Variants in TOPORS observed in about 807,000 individuals in gnomAD.
TOPORS encodes the protein TOP1 binding arginine/serine rich protein, E3 ubiquitin ligase, also known as E3 ubiquitin-protein ligase Topors.
TOPORS carries 25 observed loss-of-function variants against 81.4 expected under a neutral mutation model. The ratio of observed to expected loss-of-function variants is 0.31; its 90% CI spans 0.22 to 0.43. TOPORS has a LOEUF of 0.43. Ranked by LOEUF, TOPORS falls within the 20% of genes least tolerant of loss-of-function variation. The pLI, the probability that TOPORS is intolerant of heterozygous loss-of-function variation, is 1.00. For missense variants in TOPORS, 1,101 were observed against 1,267.0 expected (o/e 0.87, Z 1.99); for synonymous variants, 473 against 456.6 (o/e 1.04, Z -0.46).
intron 2 of TOPORS, among the ~76,000 whole-genome samples, chr9:32,549,212 C>A (rs943446327): frequency 3.9e-5 from 6 of 152,234 alleles, no homozygotes; most frequent in Non-Finnish European, 8.8e-5. Flanking sequence ...GAGACTGAGG[C>A]AGGGGAATGG....
At chr9:32,547,246 G>GGTC in intron 2 of TOPORS, among the ~76,000 whole-genome samples, 1 of 151,938 alleles carries the variant, frequency 6.6e-6, no homozygotes, top group South Asian at 2.1e-4. Context: ...AATGCATGTA[G>GGTC]ATCAAATAAG....
At position 32,541,400 on chromosome 9, in the gene TOPORS, C is replaced by G. The variant is rs752532656; in HGVS notation, c.3125G>C (p.Cys1042Ser). 1.2e-6 allele frequency: 2 copies of G among 1,613,992 alleles called. No individual in the cohort carries two copies. The highest frequency in any genetic ancestry group is 1.7e-6 in the Non-Finnish European group (2 of 1,179,998). The change falls in exon 3 of 3, where the codon TGT (cysteine) becomes TCT (serine). Residue 1042 changes from cysteine (C) to serine (S), a missense_variant. By Grantham distance (112) the Cys-to-Ser change is moderately radical (BLOSUM62 -1). Around this residue, in one of 9 missense-constraint regions of TOPORS, gnomAD observed 605 missense variants for 636.1 expected, o/e 0.95. Transcript: ENST00000360538. ...SLMSVCLGRD[C>S]DMS ...GCTTTGGCAGTTTTAAGACATATCA[C>G]AGTCTCTACCAAGACATACTGACAT...
rs1821061783 is a variant in TOPORS at position 32,541,693 on chromosome 9, C to A, written c.2832G>T (p.Leu944Phe). The A allele has an allele frequency of 1.2e-6, 2 of 1,613,986 alleles. No homozygotes were observed. The highest frequency in any genetic ancestry group is 1.7e-6 in the Non-Finnish European group (2 of 1,180,026). Reference sequence around the variant, plus strand: ...CTACATCTTTAGTTTCAAATGGTTCCAAGGAAGGAGCCAAAAACTCATTTT... The same window carrying A: ...CTACATCTTTAGTTTCAAATGGTTCAAAGGAAGGAGCCAAAAACTCATTTT... ...PLQNEFLAPS[L>F]EPFETKDVVT... Residue 944 changes from leucine (L) to phenylalanine (F), a missense_variant, in exon 3 of 3, where the codon TTG (leucine) becomes TTT (phenylalanine). Around this residue, in one of 9 missense-constraint regions of TOPORS, gnomAD observed 605 missense variants for 636.1 expected, o/e 0.95. Transcript: ENST00000360538.
At chr9:32,552,301 T>A (rs1289879861) in intron 1 of TOPORS, 133 bp downstream of exon 1, 3 of 1,331,876 alleles carry the variant, frequency 2.3e-6, no homozygotes, top group Admixed American at 2.0e-5. Flanking sequence ...GCGACAGCGC[T>A]GCACGAAGCG....
Position 32,542,274 on chromosome 9 carries a change from T to G in TOPORS, c.2251A>C (p.Arg751=), listed in dbSNP as rs778511749. Residue 751 remains arginine (R), a synonymous_variant, in exon 3 of 3, where the codon AGG becomes CGG. Coordinates refer to ENST00000360538, the MANE Select transcript of TOPORS (RefSeq NM_005802.5). ...CTCTCACTGTGATTATTTTTTTTCC[T>G]AGCATTTGTTCTTTCAGAAAAGGAC... ...VQSFSERTNA[R]KKNNHSERKY... The G allele has an allele frequency of 1.2e-6, 2 of 1,614,154 alleles. No individual in the cohort carries two copies. The highest frequency in any genetic ancestry group is 4.5e-5 in the East Asian group (2 of 44,882).
intron 2 of TOPORS, among the ~76,000 whole-genome samples, chr9:32,549,589 G>A (rs918231254): frequency 6.6e-6 from 1 of 152,124 alleles, no homozygotes; most frequent in Admixed American, 6.5e-5. Context: ...ACTCAACAAT[G>A]TTCTCTATGT....
At position 32,543,302 on chromosome 9, in the gene TOPORS, A is replaced by G; in HGVS notation, c.1223T>C (p.Val408Ala). Residue 408 changes from valine to alanine, a missense_variant, in exon 3 of 3, where the codon GTA becomes GCA. Physicochemically the swap from Val to Ala is moderately conservative, Grantham distance 64 (BLOSUM62 0). Around this residue, in one of 9 missense-constraint regions of TOPORS, gnomAD observed 103 missense variants for 112.1 expected, o/e 0.92. Transcript: ENST00000360538. The surrounding 1 kb of genome is among the most constrained non-coding windows in gnomAD (Gnocchi z 5.6). Reference sequence around the variant, plus strand: ...CCATGGTGCCTGACTAACAGTGGCTACATTAATATCCAGCTCTTGGGTCTC... The same window carrying G: ...CCATGGTGCCTGACTAACAGTGGCTGCATTAATATCCAGCTCTTGGGTCTC... ...EAETQELDIN[V>A]ATVSQAPWDD... 6.2e-7 allele frequency: 1 copy of G among 1,614,132 alleles called. No individual in the cohort carries two copies. Among genetic ancestry groups the G allele is most frequent in the Non-Finnish European group, 8.5e-7 (1 of 1,180,034 alleles).
rs765870879 is a variant in TOPORS, at chr9:32,542,771, G to A, written c.1754C>T (p.Ser585Phe). 2 of 1,613,894 alleles carry A rather than the reference G, an allele frequency of 1.2e-6. No individual in the cohort carries two copies. Among genetic ancestry groups the A allele is most frequent in the Non-Finnish European group, 1.7e-6 (2 of 1,180,042 alleles). ...CTTTCTGTGTCTATGGTTATATGGA[G>A]AATATACTCTGTCTCCTCTTACAGA... ...NSSVRGDRVY[S>F]PYNHRHRKRG... The change falls in exon 3 of 3, where the codon TCT (serine) becomes TTT (phenylalanine). Residue 585 changes from serine (S) to phenylalanine (F), a missense_variant. Ser to Phe is a radical substitution (Grantham distance 155). This residue lies in a region of TOPORS where 605 missense variants were observed against 636.1 expected (regional missense o/e 0.95). Transcript: ENST00000360538.
chr9:32,541,527 C>T lies in TOPORS; in HGVS notation c.2998G>A (p.Glu1000Lys). ...ASVEQTLDVREESTFVSDLEN... is the reference protein window; with the variant it reads ...ASVEQTLDVRKESTFVSDLEN... ...AAATCAGAAACAAAGGTGCTCTCTT[C>T]TCTTACATCGAGAGTTTGTTCAACT... The change falls in exon 3 of 3, where the codon GAA becomes AAA. Residue 1000 changes from glutamate to lysine, a missense_variant. Physicochemically the swap from Glu to Lys is moderately conservative, Grantham distance 56 (BLOSUM62 1). Transcript: ENST00000360538. 6.2e-7 allele frequency: 1 copy of T among 1,614,184 alleles called. No individual in the cohort carries two copies. Among genetic ancestry groups the T allele is most frequent in the South Asian group, 1.1e-5 (1 of 91,086 alleles).
At position 32,541,986 on chromosome 9, in the gene TOPORS, G is replaced by A. The variant is rs869312183; in HGVS notation, c.2539C>T (p.Arg847Ter). 1 of 1,613,520 alleles carries A rather than the reference G, an allele frequency of 6.2e-7. No individual in the cohort carries two copies. The highest frequency in any genetic ancestry group is 8.5e-7 in the Non-Finnish European group (1 of 1,179,940). Residue 847 changes from arginine to a stop codon, truncating the protein, a stop_gained, in exon 3 of 3, where the codon CGA (arginine) becomes TGA (stop). Transcript: ENST00000360538. LOFTEE classifies it high-confidence loss of function. The stretch of plus-strand genomic sequence containing the variant: ...TGTTTTGTCTCTCTGTCTGATGATC[G>A]GCTGTCTGAAAAGGTATCACTCTCA... ...KNESDTFSDS[R>*]SSDRETKHKR... is the part of the protein sequence containing the mutation.
chr9:32,541,724 G>C lies in TOPORS; in HGVS notation c.2801C>G (p.Pro934Arg). The change falls in exon 3 of 3, where the codon CCT becomes CGT. Residue 934 changes from proline (P) to arginine (R), a missense_variant. This residue lies in a region of TOPORS where 605 missense variants were observed against 636.1 expected (regional missense o/e 0.95). Coordinates refer to ENST00000360538, the MANE Select transcript of TOPORS (RefSeq NM_005802.5). ...TECDNSGPQD[P>R]LQNEFLAPSL... ...AGGAGCCAAAAACTCATTTTGTAGA[G>C]GGTCTTGAGGACCACTATTGTCACA... 6.2e-7 allele frequency: 1 copy of C among 1,614,136 alleles called. No homozygotes were observed. The highest frequency in any genetic ancestry group is 8.5e-7 in the Non-Finnish European group (1 of 1,180,022).
Position 32,541,565 on chromosome 9 carries a change from G to C in TOPORS, c.2960C>G (p.Pro987Arg), listed in dbSNP as rs1484422103. 1 of 1,614,058 alleles carries C rather than the reference G, an allele frequency of 6.2e-7. No homozygotes were observed. Among genetic ancestry groups the C allele is most frequent in the African/African-American group, 1.3e-5 (1 of 74,928 alleles). ...AGTTTGTTCAACTGAAGCTGCCAGA[G>C]GTGGAATATTATCTACAGTTTTGTT... ...NANKTVDNIP[P>R]LAASVEQTLD... The change falls in exon 3 of 3, where the codon CCT becomes CGT. Residue 987 changes from proline (P) to arginine (R), a missense_variant. Physicochemically the swap from Pro to Arg is moderately radical, Grantham distance 103. Transcript: ENST00000360538.
In TOPORS at chr9:32,542,412, T is replaced by C. The variant is rs777485409; in HGVS notation, c.2113A>G (p.Thr705Ala). The C allele has an allele frequency of 6.8e-6, 11 of 1,613,894 alleles. No homozygotes were observed. The South Asian group carries it at 1.2e-4, about 18-fold the overall frequency. Residue 705 changes from threonine (T) to alanine (A), a missense_variant, in exon 3 of 3, where the codon ACT becomes GCT. Around this residue, in one of 9 missense-constraint regions of TOPORS, gnomAD observed 605 missense variants for 636.1 expected, o/e 0.95. Coordinates refer to ENST00000360538, the MANE Select transcript of TOPORS (RefSeq NM_005802.5). ...CTGTCCTTGTTTCTACTGTAATAAG[T>C]ATACTCCCATTTGTATCTGCTTCCA... ...NYGSRYKWEYTYYSRNKDRDG... is the reference protein window; with the variant it reads ...NYGSRYKWEYAYYSRNKDRDG...
At chr9:32,550,078 A>T (rs1821205868) in intron 2 of TOPORS, among the ~76,000 whole-genome samples, 1 of 152,164 alleles carries the variant, frequency 6.6e-6, no homozygotes, top group South Asian at 2.1e-4. Flanking sequence ...TATTAACTTA[A>T]ATCTTGGGCA....
At chr9:32,551,836 A>G (rs1821273342) in intron 1 of TOPORS, 1 of 450,026 alleles carries the variant, frequency 2.2e-6, no homozygotes, top group Non-Finnish European at 4.5e-6. Context: ...TTCTTCTTAG[A>G]GATATACATT....
At chr9:32,550,267 C>T (rs1176506846) in intron 2 of TOPORS, among the ~76,000 whole-genome samples, 1 of 152,202 alleles carries the variant, frequency 6.6e-6, no homozygotes, top group Admixed American at 6.5e-5. Flanking sequence ...GCAATTTCTG[C>T]TCAGAATGTT....
In TOPORS at chr9:32,543,370, G is replaced by C. The variant is rs764040158; in HGVS notation, c.1155C>G (p.Ser385Arg). 2 of 1,613,900 alleles carry C rather than the reference G, an allele frequency of 1.2e-6. No individual in the cohort carries two copies. The highest frequency in any genetic ancestry group is 1.7e-6 in the Non-Finnish European group (2 of 1,179,974). ...DCPAPSYEEGSHSDSSVITIS... is the reference protein window; with the variant it reads ...DCPAPSYEEGRHSDSSVITIS... ...TTGTTATGACTGAAGAATCAGAATG[G>C]CTGCCTTCTTCGTATGAAGGAGCAG... is the stretch of plus-strand genomic sequence containing the variant. Residue 385 changes from serine (S) to arginine (R), a missense_variant, in exon 3 of 3, where the codon AGC becomes AGG. By Grantham distance (110) the Ser-to-Arg change is moderately radical (BLOSUM62 -1). Coordinates refer to ENST00000360538, the MANE Select transcript of TOPORS (RefSeq NM_005802.5). This position sits in a 1 kb window ranked among gnomAD's most constrained non-coding sequence, Gnocchi z 5.6.
In TOPORS at chr9:32,541,683, C is replaced by T; in HGVS notation, c.2842G>A (p.Glu948Lys). The stretch of plus-strand genomic sequence containing the variant: ...TCTATTGTAACTACATCTTTAGTTT[C>T]AAATGGTTCCAAGGAAGGAGCCAAA... ...EFLAPSLEPF[E>K]TKDVVTIEAE... The change falls in exon 3 of 3, where the codon GAA becomes AAA. Residue 948 changes from glutamate (E) to lysine (K), a missense_variant. Physicochemically the swap from Glu to Lys is moderately conservative, Grantham distance 56. Coordinates refer to ENST00000360538, the MANE Select transcript of TOPORS (RefSeq NM_005802.5). 6.2e-7 allele frequency: 1 copy of T among 1,614,142 alleles called. No homozygotes were observed. Among genetic ancestry groups the T allele is most frequent in the East Asian group, 2.2e-5 (1 of 44,872 alleles).
In TOPORS at chr9:32,542,709, T is replaced by A. The variant is rs778146701; in HGVS notation, c.1816A>T (p.Ser606Cys). The A allele has an allele frequency of 2.5e-6, 4 of 1,613,990 alleles. No homozygotes were observed. The highest frequency in any genetic ancestry group is 3.4e-6 in the Non-Finnish European group (4 of 1,180,022). ...RSRSSDSRSQ[S>C]RSGHDQKNHR... is the part of the protein sequence containing the mutation. ...TTCTTCTGATCATGCCCACTTCTAC[T>A]CTGAGAACGTGAATCTGAACTTCTT... is the stretch of plus-strand genomic sequence containing the variant. The change falls in exon 3 of 3, where the codon AGT becomes TGT. Residue 606 changes from serine to cysteine, a missense_variant. Around this residue, in one of 9 missense-constraint regions of TOPORS, gnomAD observed 605 missense variants for 636.1 expected, o/e 0.95. Coordinates refer to ENST00000360538, the MANE Select transcript of TOPORS (RefSeq NM_005802.5).
Sources: gnomAD v4.1 joint callset for allele counts (sites outside exome capture counted in the v4.1 genomes callset) on GRCh38, gnomAD v4.1.1 for gene constraint, gnomAD v4.1.1 regional missense constraint, Gnocchi (gnomAD v3.1) non-coding constraint, MANE v1.5 for transcripts, NCBI Gene and HGNC (gene_info 2026-07-23, HGNC 2026-07-21) for gene names.